UBE2G1: variants seen among roughly 807,000 people sequenced by gnomAD.
UBE2G1 encodes the protein ubiquitin-conjugating enzyme E2 G1.
A neutral mutation model predicts 22.7 loss-of-function variants in UBE2G1; 5 were observed. That is an observed-to-expected ratio of 0.22 (90% CI 0.12 to 0.46). UBE2G1 has a LOEUF of 0.46. UBE2G1 is among the 20% of genes least tolerant of loss of function. The probability of loss-of-function intolerance (pLI) is 0.99; values close to 1 mark genes in which losing one functional copy is unlikely to be tolerated. For synonymous variants in UBE2G1, 74 were observed against 67.5 expected, an observed-to-expected ratio of 1.10 and a Z score of -0.47; for missense variants, 88 against 203.9, an observed-to-expected ratio of 0.43 and a Z score of 3.46.
intron 3 of UBE2G1, among the ~76,000 whole-genome samples, chr17:4,295,628 G>A (rs920644773): frequency 9.2e-5 from 14 of 152,170 alleles, no homozygotes; most frequent in Admixed American, 4.6e-4. Flanking sequence ...AGACAACTCT[G>A]ATTACATAGT....
intron 5 of UBE2G1, among the ~76,000 whole-genome samples, chr17:4,279,044 G>C (rs140512002): frequency 2.1e-3 from 315 of 152,264 alleles, no homozygotes; most frequent in African/African-American, 7.1e-3. Flanking sequence ...AGAGGCCAAG[G>C]CAGGTGGATC....
At chr17:4,365,297 G>C (rs902007480) in intron 1 of UBE2G1, among the ~76,000 whole-genome samples, 2 of 152,210 alleles carry the variant, frequency 1.3e-5, no homozygotes, top group Admixed American at 6.5e-5. Flanking sequence ...GGGCTGCATT[G>C]TGAAGCCACC....
chr17:4,302,139 A>T, intron 2 of UBE2G1: 1 of 522,178 alleles, frequency 1.9e-6, no homozygotes, highest in Non-Finnish European at 3.9e-6. Flanking sequence ...TTGTGTTGCC[A>T]TGTTCCCTTT....
At chr17:4,363,412 G>A (rs1391289917) in intron 1 of UBE2G1, among the ~76,000 whole-genome samples, 2 of 152,208 alleles carry the variant, frequency 1.3e-5, no homozygotes, top group Non-Finnish European at 2.9e-5. Flanking sequence ...GTGTATTTTA[G>A]TATGCCCCAT....
At chr17:4,327,974 T>C (rs963404427) in intron 1 of UBE2G1, among the ~76,000 whole-genome samples, 26 of 152,220 alleles carry the variant, frequency 1.7e-4, no homozygotes, top group African/African-American at 6.0e-4. Flanking sequence ...GAACCCTTTC[T>C]CCTTTCCTTT....
At chr17:4,348,607 T>TA (rs1168541051) in intron 1 of UBE2G1, among the ~76,000 whole-genome samples, 1 of 148,048 alleles carries the variant, frequency 6.8e-6, no homozygotes, top group African/African-American at 2.5e-5. Context: ...CTCATGCCTG[T>TA]AATCCCAGCA....
intron 1 of UBE2G1, among the ~76,000 whole-genome samples, chr17:4,316,048 C>G (rs1390918412): frequency 6.6e-6 from 1 of 151,926 alleles, no homozygotes; most frequent in Non-Finnish European, 1.5e-5. Context: ...CGTGATCCGC[C>G]CACCTCGGCC....
At chr17:4,281,416 A>C (rs1173767908) in intron 5 of UBE2G1, among the ~76,000 whole-genome samples, 1 of 152,246 alleles carries the variant, frequency 6.6e-6, no homozygotes, top group African/African-American at 2.4e-5. Flanking sequence ...GGGACAGAAG[A>C]AAGCAGCGGA....
Position 4,271,983 on chromosome 17 carries a change from G to A in UBE2G1, c.*571C>T, listed in dbSNP as rs1968765657. The stretch of plus-strand genomic sequence containing the variant: ...TTTGAGAACATTCTGGCAGGTAAGA[G>A]ATAAAAGCAAAGGGGAGTGTGTCAA... On this transcript the variant is annotated 3_prime_UTR_variant, in exon 6 of 6. Coordinates refer to ENST00000396981, the MANE Select transcript of UBE2G1 (RefSeq NM_003342.5). The A allele has an allele frequency of 6.5e-6, 1 of 152,712 alleles. No homozygotes were observed. 9.5% of individuals were successfully genotyped at this position (152,712 alleles called of 1,614,324 possible).
intron 5 of UBE2G1, among the ~76,000 whole-genome samples, chr17:4,279,747 C>T (rs185977815): frequency 1.6e-5 from 2 of 121,868 alleles, no homozygotes; most frequent in African/African-American, 5.7e-5. Context: ...TGCAATCCAG[C>T]CCGAGCGACA....
chr17:4,356,265 G>A (rs1324957193), intron 1 of UBE2G1, among the ~76,000 whole-genome samples: 2 of 151,686 alleles, frequency 1.3e-5, no homozygotes, highest in Admixed American at 1.3e-4. Flanking sequence ...GGCTGAGGCA[G>A]GAGAATCGCT....
intron 4 of UBE2G1, among the ~76,000 whole-genome samples, chr17:4,284,348 C>T (rs1968933043): frequency 6.6e-6 from 1 of 152,074 alleles, no homozygotes; most frequent in African/African-American, 2.4e-5. Context: ...TCTGTAATCT[C>T]AGCACTTTGG....
At chr17:4,310,809 CCTCGAGTATATAGTAGTCGAA>C (rs1332089687) in intron 1 of UBE2G1, among the ~76,000 whole-genome samples, 1 of 151,964 alleles carries the variant, frequency 6.6e-6, no homozygotes, top group African/African-American at 2.4e-5. Flanking sequence ...GAAAAGTGTA[CCTCGAGTATATAGTAGTCGAA>C]ACAATGAAGA....
intron 2 of UBE2G1, among the ~76,000 whole-genome samples, chr17:4,306,251 G>A (rs533793065): frequency 1.3e-5 from 2 of 152,190 alleles, no homozygotes; most frequent in East Asian, 3.9e-4. Context: ...CAATTAAAAT[G>A]TCCAAAAATT....
intron 1 of UBE2G1, among the ~76,000 whole-genome samples, chr17:4,332,811 T>C (rs1389128093): frequency 1.3e-5 from 2 of 152,174 alleles, no homozygotes; most frequent in East Asian, 3.9e-4. Flanking sequence ...GATTCACTCA[T>C]TCACCTGAGT....
intron 3 of UBE2G1, among the ~76,000 whole-genome samples, chr17:4,295,093 C>T (rs1420189938): frequency 6.6e-6 from 1 of 152,150 alleles, no homozygotes; most frequent in Admixed American, 6.5e-5. Context: ...AGCCAACATT[C>T]AGAATCTGTT....
chr17:4,330,976 CCACACACACACACACACACA>C (rs57051928), intron 1 of UBE2G1, among the ~76,000 whole-genome samples: 2 of 143,576 alleles, frequency 1.4e-5, no homozygotes, highest in Non-Finnish European at 3.0e-5. Context: ...ACCTTTAAAA[CCACACACACACACACACACA>C]CACACACACA....
intron 2 of UBE2G1, 81 bp downstream of exon 2, chr17:4,306,940 G>A (rs1048602670): frequency 5.7e-5 from 76 of 1,328,518 alleles, no homozygotes; most frequent in Middle Eastern, 5.6e-4. Flanking sequence ...GTGAGCCACC[G>A]TGCCCAGCCT....
intron 1 of UBE2G1, among the ~76,000 whole-genome samples, chr17:4,354,520 A>G (rs1433137423): frequency 6.6e-6 from 1 of 152,180 alleles, no homozygotes; most frequent in Non-Finnish European, 1.5e-5. Context: ...AACTCCCAAA[A>G]GAAAAAAAAT....
Sources: gnomAD v4.1 joint callset for allele counts (sites outside exome capture counted in the v4.1 genomes callset) on GRCh38, gnomAD v4.1.1 for gene constraint, MANE v1.5 for transcripts, NCBI Gene and HGNC (gene_info 2026-07-23, HGNC 2026-07-21) for gene names.